Variants in PAFAH2 observed in about 807,000 individuals in gnomAD.
PAFAH2 encodes platelet-activating factor acetylhydrolase 2, cytoplasmic.
Under a neutral mutation model 49.0 loss-of-function variants are expected in PAFAH2, and 42 were observed. That is an observed-to-expected ratio of 0.86 (90% confidence interval 0.67 to 1.11). The LOEUF is 1.11. PAFAH2 is among the 50% of genes least tolerant of loss of function. The pLI is 0.00. For missense variants in PAFAH2, 503 were observed against 501.8 expected, an observed-to-expected ratio of 1.00 and a Z score of -0.02; for synonymous variants, 184 against 181.3, an observed-to-expected ratio of 1.01 and a Z score of -0.12.
At chr1:25,980,385 C>T (rs7536067) in intron 7 of PAFAH2, among the ~76,000 whole-genome samples, 79,314 of 151,252 alleles carry the variant, frequency 0.52, 24,517 homozygotes, top group East Asian at 0.7. Flanking sequence ...TACAATGGCG[C>T]GATCTTGGCT....
At chr1:25,979,722 T>G (rs958602205) in intron 7 of PAFAH2, among the ~76,000 whole-genome samples, 2 of 152,108 alleles carry the variant, frequency 1.3e-5, no homozygotes, top group African/African-American at 2.4e-5. Flanking sequence ...ACTCCTGACC[T>G]AAGGTGGTCC....
At chr1:25,968,073 G>A (rs2049453631) in intron 10 of PAFAH2, among the ~76,000 whole-genome samples, 1 of 152,156 alleles carries the variant, frequency 6.6e-6, no homozygotes, top group Non-Finnish European at 1.5e-5. Context: ...GGCTGAGGCA[G>A]GAGAATTGCT....
intron 9 of PAFAH2, among the ~76,000 whole-genome samples, 187 bp from the exon 10 acceptor site, chr1:25,972,899 T>G (rs1215474435): frequency 6.6e-6 from 1 of 152,190 alleles, no homozygotes; most frequent in Non-Finnish European, 1.5e-5. Context: ...TAGGGTCAGG[T>G]CATACAAGTA....
At chr1:25,989,657 A>T in intron 2 of PAFAH2, 56 bp from the exon 3 acceptor site, 1 of 1,373,986 alleles carries the variant, frequency 7.3e-7, no homozygotes, top group Non-Finnish European at 9.5e-7. Context: ...TAGATTTCCC[A>T]ACAGCCACAC....
chr1:25,960,290 ATG>A lies in PAFAH2; in HGVS notation c.*1697_*1698del, dbSNP rs1193748108. On this transcript the variant is annotated 3_prime_UTR_variant, in exon 11 of 11. Transcript: ENST00000374282. The stretch of plus-strand genomic sequence containing the variant: ...CCAGCTTGCTCTGGTGGCCCTGACC[ATG>A]GGCCATTGTGTAGAGATGCATTTCC... 3.3e-5 allele frequency: 5 copies of A among 152,688 alleles called. No individual in the cohort carries two copies. Among genetic ancestry groups the A allele is most frequent in the Non-Finnish European group, 7.3e-5 (5 of 68,040 alleles). 9.5% of individuals were successfully genotyped at this position (152,688 alleles called of 1,614,324 possible). A position where few individuals can be genotyped will look rare whatever the true frequency, so the allele number is the denominator to read the frequency against.
At chr1:25,968,017 T>C (rs1037242153) in intron 10 of PAFAH2, among the ~76,000 whole-genome samples, 8 of 151,736 alleles carry the variant, frequency 5.3e-5, no homozygotes, top group Non-Finnish European at 1.0e-4. Context: ...AATGCAAAAA[T>C]TAGCTGGGCA....
intron 3 of PAFAH2, 149 bp from the exon 4 acceptor site, chr1:25,988,476 T>G (rs773528047): frequency 1.7e-6 from 1 of 600,108 alleles, no homozygotes; most frequent in South Asian, 1.9e-5. Context: ...GTTAATCACC[T>G]ATTTCTTCTC....
intron 6 of PAFAH2, 34 bp from the exon 7 acceptor site, chr1:25,982,511 A>C (rs770938877): frequency 6.9e-7 from 1 of 1,457,644 alleles, no homozygotes. Flanking sequence ...GGACTGGAAC[A>C]CTCCACAACT....
At chr1:25,973,937 T>G (rs759583364) in intron 9 of PAFAH2, among the ~76,000 whole-genome samples, 1 of 152,152 alleles carries the variant, frequency 6.6e-6, no homozygotes, top group Non-Finnish European at 1.5e-5. Context: ...TTTTTTTCCC[T>G]GTGAAAAATG....
intron 7 of PAFAH2, 28 bp downstream of exon 7, chr1:25,982,336 C>A (rs1345713308): frequency 6.7e-7 from 1 of 1,499,602 alleles, no homozygotes. Flanking sequence ...GAATACTGGG[C>A]TCTAGGTCAT....
intron 10 of PAFAH2, among the ~76,000 whole-genome samples, chr1:25,969,677 TTCAGTC>T (rs2049477665): frequency 1.3e-5 from 2 of 152,296 alleles, no homozygotes; most frequent in South Asian, 4.1e-4. Context: ...AAAATCTTCT[TTCAGTC>T]TAAGTGCCTC....
intron 2 of PAFAH2, 80 bp from the exon 3 acceptor site, chr1:25,989,681 G>C (rs2049845878): frequency 8.2e-7 from 1 of 1,214,480 alleles, no homozygotes. Context: ...GCAGGTGTTT[G>C]GGGCACCAGC....
rs1388993604 is a variant in PAFAH2, at chr1:25,988,258, A to T, written c.314T>A (p.Ile105Asn). Residue 105 changes from isoleucine (I) to asparagine (N), a missense_variant, in exon 4 of 11, where the codon ATC becomes AAC. Physicochemically the swap from Ile to Asn is moderately radical, Grantham distance 149. Coordinates refer to ENST00000374282, the MANE Select transcript of PAFAH2 (RefSeq NM_000437.4). ...GAAGGCTCCTAGGCCATGGGAGAAG[A>T]TGATCAAGGGGTATCCAGAGTCCTT... ...KTKDSGYPLI[I>N]FSHGLGAFRT... 2 of 1,607,898 alleles carry T rather than the reference A, an allele frequency of 1.2e-6. No individual in the cohort carries two copies. The highest frequency in any genetic ancestry group is 1.3e-5 in the African/African-American group (1 of 74,548).
At chr1:25,985,727 A>T (rs903101448) in intron 4 of PAFAH2, among the ~76,000 whole-genome samples, 1 of 152,234 alleles carries the variant, frequency 6.6e-6, no homozygotes, top group African/African-American at 2.4e-5. Flanking sequence ...TTGAACAAGA[A>T]AGCAGCATCA....
At chr1:25,968,672 T>A (rs531837659) in intron 10 of PAFAH2, among the ~76,000 whole-genome samples, 2 of 152,290 alleles carry the variant, frequency 1.3e-5, no homozygotes, top group East Asian at 3.9e-4. Flanking sequence ...ATGTACTGTG[T>A]GCCTACTAAA....
intron 10 of PAFAH2, among the ~76,000 whole-genome samples, chr1:25,965,817 C>CAAA (rs56272061): frequency 5.8e-5 from 1 of 17,388 alleles, no homozygotes; most frequent in African/African-American, 2.6e-4. Context: ...GACTTTGTCT[C>CAAA]AAAAAAAAAA....
chr1:25,979,496 A>AT (rs1214323290), intron 7 of PAFAH2, among the ~76,000 whole-genome samples: 2 of 151,194 alleles, frequency 1.3e-5, no homozygotes, highest in Non-Finnish European at 3.0e-5. Flanking sequence ...TAAATTTTGT[A>AT]TTTTTTTTGA....
chr1:25,983,208 T>C (rs1432664054), intron 6 of PAFAH2, among the ~76,000 whole-genome samples: 6 of 151,764 alleles, frequency 4.0e-5, no homozygotes, highest in East Asian at 3.9e-4. Flanking sequence ...CTGGGCAACA[T>C]AGCAAGACCC....
In PAFAH2 at chr1:25,961,967, C is replaced by T. The variant is rs1174782187; in HGVS notation, c.*22G>A. 3 of 1,603,432 alleles carry T rather than the reference C, an allele frequency of 1.9e-6. No homozygotes were observed. The highest frequency in any genetic ancestry group is 2.2e-5 in the East Asian group (1 of 44,820). On this transcript the variant is annotated 3_prime_UTR_variant, in exon 11 of 11. Transcript: ENST00000374282. Reference sequence around the variant, plus strand: ...CCAAATGAAAACTTGGCTGAAGTGACTTTACAAATGGCCAGTTGTGCCTAC... The same window carrying T: ...CCAAATGAAAACTTGGCTGAAGTGATTTTACAAATGGCCAGTTGTGCCTAC...
Sources: gnomAD v4.1 joint callset for allele counts (sites outside exome capture counted in the v4.1 genomes callset) on GRCh38, gnomAD v4.1.1 for gene constraint, MANE v1.5 for transcripts, NCBI Gene and HGNC (gene_info 2026-07-23, HGNC 2026-07-21) for gene names.